Variants in FDXACB1 observed in about 807,000 individuals in gnomAD.
FDXACB1 encodes ferredoxin-fold anticodon binding domain containing 1.
Under a neutral mutation model 51.7 loss-of-function variants are expected in FDXACB1, and 41 were observed. The observed-to-expected ratio is 0.79, with a 90% CI of 0.62 to 1.03. The LOEUF (loss-of-function observed/expected upper bound fraction) is 1.03. Among genes scored for constraint, FDXACB1 ranks in the 50% least tolerant of loss-of-function variants. The pLI is 0.00. For synonymous variants in FDXACB1, 273 were observed against 278.6 expected, an observed-to-expected ratio of 0.98 and a Z score of 0.20; for missense variants, 697 against 746.4, an observed-to-expected ratio of 0.93 and a Z score of 0.77.
chr11:111,876,248 A>G, intron 4 of FDXACB1, 144 bp from the exon 5 acceptor site: 2 of 923,360 alleles, frequency 2.2e-6, no homozygotes, highest in East Asian at 2.6e-5. Flanking sequence ...ATCATCTACC[A>G]TAAGGAGAAA....
intron 2 of FDXACB1, among the ~76,000 whole-genome samples, chr11:111,878,215 A>T (rs1044927670): frequency 2.0e-4 from 30 of 152,054 alleles, no homozygotes; most frequent in African/African-American, 5.3e-4. Context: ...AAATAAAAAT[A>T]AAAAAATAAC....
At position 111,876,877 on chromosome 11, in the gene FDXACB1, C is replaced by T. The variant is rs1313823289; in HGVS notation, c.464G>A (p.Gly155Glu). The T allele has an allele frequency of 1.9e-6, 3 of 1,613,604 alleles. No individual in the cohort carries two copies. The African/African-American group carries it at 4.0e-5, about 22-fold the overall frequency. The change falls in exon 3 of 5, where the codon GGG becomes GAG. Residue 155 changes from glycine to glutamate, a missense_variant. Transcript: ENST00000260257. The stretch of plus-strand genomic sequence containing the variant: ...TGGATACACGTCGCTTAAAATGAGC[C>T]CCCCCAGGGCTGCCATGGCAACCAC... ...WQVVAMAALGGLILSDVYPFS... is the reference protein window; with the variant it reads ...WQVVAMAALGELILSDVYPFS...
rs782752374 is a variant in FDXACB1 at position 111,875,576 on chromosome 11, A to G, written c.1221T>C (p.Cys407=). The part of the protein sequence containing the change: ...LGVNQNLKDG[C]LQSLLDHLKG... ...TCAGATGATCCAGCAGTGATTGAAGACAGCCATCCTTCAGATTTTGATTAA... is the reference window on the plus strand; with the variant it reads ...TCAGATGATCCAGCAGTGATTGAAGGCAGCCATCCTTCAGATTTTGATTAA... The change falls in exon 5 of 5, where the codon TGT becomes TGC. Residue 407 remains cysteine, a synonymous_variant. Coordinates refer to ENST00000260257, the MANE Select transcript of FDXACB1 (RefSeq NM_138378.3). The G allele has an allele frequency of 6.2e-6, 10 of 1,612,062 alleles. No individual in the cohort carries two copies. The highest frequency in any genetic ancestry group is 8.5e-6 in the Non-Finnish European group (10 of 1,179,646).
Position 111,875,446 on chromosome 11 carries a change from G to T in FDXACB1, c.1351C>A (p.Arg451Ser). Residue 451 changes from arginine to serine, a missense_variant, in exon 5 of 5, where the codon CGT (arginine) becomes AGT (serine). Physicochemically the swap from Arg to Ser is moderately radical, Grantham distance 110 (BLOSUM62 -1). Around this residue, in one of 3 missense-constraint regions of FDXACB1, gnomAD observed 538 missense variants for 592.2 expected, o/e 0.91. Coordinates refer to ENST00000260257, the MANE Select transcript of FDXACB1 (RefSeq NM_138378.3). The part of the protein sequence containing the change: ...LQSNGKDYMI[R>S]VKTHNFSPDC... ...GGGCTAAAATTATGAGTCTTCACACGAATCATATAATCCTTTCCATTTGAC... is the reference window on the plus strand; with the variant it reads ...GGGCTAAAATTATGAGTCTTCACACTAATCATATAATCCTTTCCATTTGAC... 6.2e-7 allele frequency: 1 copy of T among 1,612,958 alleles called. No homozygotes were observed. Among genetic ancestry groups the T allele is most frequent in the South Asian group, 1.1e-5 (1 of 91,000 alleles).
At position 111,875,076 on chromosome 11, in the gene FDXACB1, C is replaced by A; in HGVS notation, c.1721G>T (p.Ser574Ile). 6.2e-7 allele frequency: 1 copy of A among 1,613,914 alleles called. No homozygotes were observed. Among genetic ancestry groups the A allele is most frequent in the Non-Finnish European group, 8.5e-7 (1 of 1,179,892 alleles). Residue 574 changes from serine (S) to isoleucine (I), a missense_variant, in exon 5 of 5, where the codon AGC becomes ATC. By Grantham distance (142) the Ser-to-Ile change is moderately radical. Coordinates refer to ENST00000260257, the MANE Select transcript of FDXACB1 (RefSeq NM_138378.3). ...QDTIISIQFL[S>I]RFQHPKTQQV... is the part of the protein sequence containing the mutation. ...TTGAGTCTTTGGATGCTGGAAACGG[C>A]TAAGAAACTGTATGGATATAATAGT...
Position 111,876,656 on chromosome 11 carries a change from C to T in FDXACB1, c.534-17G>A. ...TCTTGACTCCTGGCAAAATAGACAC[C>T]AATATGAAGTCTGTCATTATTAAAA... On this transcript the variant is annotated splice_polypyrimidine_tract_variant and intron_variant, in intron 3 of 4. Coordinates refer to ENST00000260257, the MANE Select transcript of FDXACB1 (RefSeq NM_138378.3). 1 of 1,606,956 alleles carries T rather than the reference C, an allele frequency of 6.2e-7. No homozygotes were observed. The highest frequency in any genetic ancestry group is 8.5e-7 in the Non-Finnish European group (1 of 1,176,656).
In FDXACB1 at chr11:111,876,628, T is replaced by C. The variant is rs1268496553; in HGVS notation, c.545A>G (p.Lys182Arg). The C allele has an allele frequency of 6.2e-7, 1 of 1,611,696 alleles. No individual in the cohort carries two copies. Among genetic ancestry groups the C allele is most frequent in the Admixed American group, 1.7e-5 (1 of 59,262 alleles). The change falls in exon 4 of 5, where the codon AAG becomes AGG. Residue 182 changes from lysine to arginine, a missense_variant. Physicochemically the swap from Lys to Arg is conservative, Grantham distance 26. Coordinates refer to ENST00000260257, the MANE Select transcript of FDXACB1 (RefSeq NM_138378.3). ...YKCTGYRSQD[K>R]SFHVEGALNH... ...CAAAGCACCTTCTACATGAAAGGAC[T>C]TATCTTGACTCCTGGCAAAATAGAC... is the stretch of plus-strand genomic sequence containing the variant.
rs782188535 is a variant in FDXACB1, at chr11:111,875,620, T to G, written c.1177A>C (p.Thr393Pro). Residue 393 changes from threonine to proline, a missense_variant, in exon 5 of 5, where the codon ACT becomes CCT. This residue lies in a region of FDXACB1 where 538 missense variants were observed against 592.2 expected (regional missense o/e 0.91). Transcript: ENST00000260257. The stretch of plus-strand genomic sequence containing the variant: ...TGATTAACCCCAAGGATAAATAAAG[T>G]TTCATGAAATGCTGGCATTGTGAAA... ...LPFTMPAFHETLFILGVNQNL... is the reference protein window; with the variant it reads ...LPFTMPAFHEPLFILGVNQNL... 5.0e-6 allele frequency: 8 copies of G among 1,612,900 alleles called. No homozygotes were observed. Among genetic ancestry groups the G allele is most frequent in the Non-Finnish European group, 6.8e-6 (8 of 1,179,766 alleles).
chr11:111,875,363 T>G lies in FDXACB1; in HGVS notation c.1434A>C (p.Ile478=). 1 of 1,613,800 alleles carries G rather than the reference T, an allele frequency of 6.2e-7. No individual in the cohort carries two copies. The highest frequency in any genetic ancestry group is 8.5e-7 in the Non-Finnish European group (1 of 1,179,870). ...GSVITSATSV[I]HKDQCFVFVS... Reference sequence around the variant, plus strand: ...CAAACACAAAACACTGGTCTTTATGTATAACACTAGTGGCAGATGTGATAA... The same window carrying G: ...CAAACACAAAACACTGGTCTTTATGGATAACACTAGTGGCAGATGTGATAA... Residue 478 remains isoleucine (I), a synonymous_variant, in exon 5 of 5, where the codon ATA becomes ATC. Transcript: ENST00000260257.
At position 111,876,826 on chromosome 11, in the gene FDXACB1, T is replaced by C; in HGVS notation, c.515A>G (p.Tyr172Cys). 6.2e-7 allele frequency: 1 copy of C among 1,613,754 alleles called. No homozygotes were observed. The highest frequency in any genetic ancestry group is 8.5e-7 in the Non-Finnish European group (1 of 1,179,714). Residue 172 changes from tyrosine to cysteine, a missense_variant, in exon 3 of 5, where the codon TAC (tyrosine) becomes TGC (cysteine). Tyr to Cys is a radical substitution (Grantham distance 194, BLOSUM62 -2). This residue lies in a region of FDXACB1 where 538 missense variants were observed against 592.2 expected (regional missense o/e 0.91). Transcript: ENST00000260257. The stretch of plus-strand genomic sequence containing the variant: ...TACCTACCTATATCCAGTGCACTTG[T>C]ACCCTGCCACAGCCTTACAGCTGAA... ...YPFSCKAVAG[Y>C]KCTGYRSQDK...
In FDXACB1 at chr11:111,879,100, C is replaced by T. The variant is rs782584487; in HGVS notation, c.33G>A (p.Glu11=). The change falls in exon 1 of 5, where the codon GAG becomes GAA. Residue 11 remains glutamate, a synonymous_variant. Coordinates refer to ENST00000260257, the MANE Select transcript of FDXACB1 (RefSeq NM_138378.3). ...GAGCGGCGGCGAAGGAGAAATTCCC[C>T]TCCCCAACCAACAGGAGGCGCCGAG... MAPRRLLLVG[E]GNFSFAAALS... is the part of the protein sequence containing the mutation. 3.7e-6 allele frequency: 6 copies of T among 1,612,988 alleles called. No individual in the cohort carries two copies. The highest frequency in any genetic ancestry group is 1.3e-5 in the African/African-American group (1 of 74,880).
chr11:111,874,298 TCTA>T lies in FDXACB1; in HGVS notation c.*621_*623del, dbSNP rs1200555418. ...TTTATATTTGATGAGACACTTAAGTTCTACTGCCTGTTCAACAATAGAGCATCT... is the reference window on the plus strand; with the variant it reads ...TTTATATTTGATGAGACACTTAAGTTCTGCCTGTTCAACAATAGAGCATCT... On this transcript the variant is annotated 3_prime_UTR_variant, in exon 5 of 5. Transcript: ENST00000260257. The T allele has an allele frequency of 1.3e-5, 2 of 152,188 alleles. No individual in the cohort carries two copies. Among genetic ancestry groups the T allele is most frequent in the African/African-American group, 4.8e-5 (2 of 41,438 alleles). 9.4% of individuals were successfully genotyped at this position (152,188 alleles called of 1,614,324 possible). A position where few individuals can be genotyped will look rare whatever the true frequency, so the allele number is the denominator to read the frequency against.
Position 111,875,504 on chromosome 11 carries a change from A to G in FDXACB1, c.1293T>C (p.Ser431=), listed in dbSNP as rs371751758. The change falls in exon 5 of 5, where the codon TCT becomes TCC. Residue 431 remains serine (S), a synonymous_variant. Coordinates refer to ENST00000260257, the MANE Select transcript of FDXACB1 (RefSeq NM_138378.3). ...SLLTQTLPES[S]KLSSLVKFVL... is the part of the protein sequence containing the mutation. ...CAAATTTGACTAAACTGCTCAGCTT[A>G]GAGCTCTCCGGCAATGTCTGGGTCA... 105 of 1,612,282 alleles carry G rather than the reference A, an allele frequency of 6.5e-5. No individual in the cohort carries two copies. Among genetic ancestry groups the G allele is most frequent in the Admixed American group, 1.2e-4 (7 of 59,676 alleles).
At position 111,875,662 on chromosome 11, in the gene FDXACB1, T is replaced by A; in HGVS notation, c.1135A>T (p.Lys379Ter). ...LHILSGPVFQ[K>*]CHILPFTMPA... ...ATTGTGAAAGGCAAAATGTGGCACT[T>A]CTGAAAGACAGGTCCACTGAGGATG... is the stretch of plus-strand genomic sequence containing the variant. Residue 379 changes from lysine to a stop codon, truncating the protein, a stop_gained, in exon 5 of 5, where the codon AAG (lysine) becomes TAG (stop). Transcript: ENST00000260257. LOFTEE classifies it high-confidence loss of function. 6.2e-7 allele frequency: 1 copy of A among 1,613,422 alleles called. No homozygotes were observed. Among genetic ancestry groups the A allele is most frequent in the South Asian group, 1.1e-5 (1 of 91,042 alleles).
chr11:111,875,915 A>C lies in FDXACB1; in HGVS notation c.882T>G (p.His294Gln), dbSNP rs1347058565. 6.2e-7 allele frequency: 1 copy of C among 1,613,822 alleles called. No individual in the cohort carries two copies. The highest frequency in any genetic ancestry group is 8.5e-7 in the Non-Finnish European group (1 of 1,179,902). ...FLSAAFWISL[H>Q]EDNSNSESLT... ...GGGACTCAGAATTTGAGTTATCTTC[A>C]TGGAGACTAATCCAAAAAGCAGCTG... Residue 294 changes from histidine (H) to glutamine (Q), a missense_variant, in exon 5 of 5, where the codon CAT becomes CAG. Physicochemically the swap from His to Gln is conservative, Grantham distance 24. Around this residue, in one of 3 missense-constraint regions of FDXACB1, gnomAD observed 538 missense variants for 592.2 expected, o/e 0.91. Transcript: ENST00000260257.
chr11:111,874,927 G>A lies in FDXACB1; in HGVS notation c.1870C>T (p.Arg624Trp), dbSNP rs781847840. 4.0e-5 allele frequency: 64 copies of A among 1,612,402 alleles called. No homozygotes were observed. Among genetic ancestry groups the A allele is most frequent in the Non-Finnish European group, 4.9e-5 (58 of 1,178,726 alleles). ...EIQQHLYVIP[R>W] ...GCAGAAAAGGATTTACCAAACTACC[G>A]AGGTATAACATATAGGTGTTGTTGA... Residue 624 changes from arginine (R) to tryptophan (W), a missense_variant, in exon 5 of 5, where the codon CGG (arginine) becomes TGG (tryptophan). Transcript: ENST00000260257.
chr11:111,875,528 C>T lies in FDXACB1; in HGVS notation c.1269G>A (p.Leu423=), dbSNP rs782035697. The change falls in exon 5 of 5, where the codon CTG becomes CTA. Residue 423 remains leucine, a synonymous_variant. Coordinates refer to ENST00000260257, the MANE Select transcript of FDXACB1 (RefSeq NM_138378.3). ...DHLKGILDSL[L]TQTLPESSKL... ...TAGAGCTCTCCGGCAATGTCTGGGT[C>T]AGCAGGCTATCTAGAATGCCCTTCA... The T allele has an allele frequency of 2.5e-6, 4 of 1,611,310 alleles. No homozygotes were observed. The African/African-American group carries it at 4.1e-5, about 16-fold the overall frequency.
At chr11:111,878,025 A>C (rs1964856070) in intron 2 of FDXACB1, among the ~76,000 whole-genome samples, 1 of 151,774 alleles carries the variant, frequency 6.6e-6, no homozygotes, top group Non-Finnish European at 1.5e-5. Flanking sequence ...ATCTCTACTA[A>C]AAATACAAAA....
Position 111,878,972 on chromosome 11 carries a change from A to C in FDXACB1, c.161T>G (p.Leu54Arg). 5 of 1,599,528 alleles carry C rather than the reference A, an allele frequency of 3.1e-6. No individual in the cohort carries two copies. The highest frequency in any genetic ancestry group is 1.7e-4 in the Middle Eastern group (1 of 5,788). The change falls in exon 1 of 5, where the codon CTG becomes CGG. Residue 54 changes from leucine (L) to arginine (R), a missense_variant. Physicochemically the swap from Leu to Arg is moderately radical, Grantham distance 102. Transcript: ENST00000260257. ...DPLAWENLQC[L>R]RERGIDVRFG... Reference sequence around the variant, plus strand: ...GGCGGGCTCGCTACCTCGCTCGCGCAGGCACTGCAGATTCTCCCAGGCCAG... The same window carrying C: ...GGCGGGCTCGCTACCTCGCTCGCGCCGGCACTGCAGATTCTCCCAGGCCAG...
Sources: gnomAD v4.1 joint callset for allele counts (sites outside exome capture counted in the v4.1 genomes callset) on GRCh38, gnomAD v4.1.1 for gene constraint, gnomAD v4.1.1 regional missense constraint, MANE v1.5 for transcripts, NCBI Gene and HGNC (gene_info 2026-07-23, HGNC 2026-07-21) for gene names.